Variants in LCOR observed in about 807,000 individuals in gnomAD.
The protein encoded by LCOR is ligand-dependent corepressor.
Under a neutral mutation model 64.4 loss-of-function variants are expected in LCOR, and 14 were observed. That is an observed-to-expected ratio of 0.22 (90% CI 0.14 to 0.34). The LOEUF (loss-of-function observed/expected upper bound fraction) is 0.34, where lower values mean the gene tolerates loss of function less well. LCOR is among the 10% of genes least tolerant of loss of function. The pLI is 1.00. For synonymous variants in LCOR, 643 were observed against 642.5 expected, an observed-to-expected ratio of 1.00 and a Z score of -0.01; for missense variants, 1,686 against 1,765.3, an observed-to-expected ratio of 0.96 and a Z score of 0.80.
At chr10:96,947,113 G>A (rs1405042607) in intron 5 of LCOR, among the ~76,000 whole-genome samples, 1 of 152,014 alleles carries the variant, frequency 6.6e-6, no homozygotes, top group African/African-American at 2.4e-5. Flanking sequence ...TGGATAAAAT[G>A]TTAATTAAAA....
intron 4 of LCOR, among the ~76,000 whole-genome samples, chr10:96,942,263 A>C (rs1370967051): frequency 6.6e-6 from 1 of 151,786 alleles, no homozygotes; most frequent in African/African-American, 2.4e-5. Flanking sequence ...AACACAGCAA[A>C]ACCCCGTCTC....
intron 7 of LCOR, among the ~76,000 whole-genome samples, chr10:96,974,531 T>C (rs1445956707): frequency 2.0e-5 from 3 of 152,246 alleles, no homozygotes; most frequent in African/African-American, 4.8e-5. Flanking sequence ...GGACATCGTA[T>C]GATACAGACT....
chr10:96,900,302 A>C (rs1846611399), intron 2 of LCOR, among the ~76,000 whole-genome samples: 1 of 152,092 alleles, frequency 6.6e-6, no homozygotes, highest in African/African-American at 2.4e-5. Flanking sequence ...TTACCTCTTA[A>C]TATACAATAA....
At chr10:96,961,481 A>G (rs1185670509) in intron 7 of LCOR, 1 of 152,128 alleles carries the variant, frequency 6.6e-6, no homozygotes, top group Non-Finnish European at 1.5e-5. Flanking sequence ...ACATACCAAA[A>G]AAATCTAAAG....
intron 2 of LCOR, among the ~76,000 whole-genome samples, chr10:96,872,941 A>G (rs1846096928): frequency 6.8e-6 from 1 of 147,612 alleles, no homozygotes; most frequent in South Asian, 2.1e-4. Context: ...AAAACCAAAT[A>G]CTGTAGTATT....
intron 7 of LCOR, among the ~76,000 whole-genome samples, chr10:96,973,648 A>C (rs1457657283): frequency 6.6e-6 from 1 of 152,218 alleles, no homozygotes; most frequent in Non-Finnish European, 1.5e-5. Context: ...GTCAAGCCAT[A>C]GTAATTTACA....
chr10:96,972,980 G>A (rs1325471796), intron 7 of LCOR, among the ~76,000 whole-genome samples: 1 of 152,160 alleles, frequency 6.6e-6, no homozygotes, highest in Admixed American at 6.5e-5. Context: ...TGGTGTCACT[G>A]AGGCTGGGAC....
At chr10:96,917,241 T>C (rs1413982722) in intron 4 of LCOR, among the ~76,000 whole-genome samples, 1 of 152,180 alleles carries the variant, frequency 6.6e-6, no homozygotes, top group East Asian at 1.9e-4. Flanking sequence ...GACTAATCAT[T>C]TGGCAGGTTT....
chr10:96,845,657 C>T (rs1341530386), intron 2 of LCOR, among the ~76,000 whole-genome samples: 15 of 150,424 alleles, frequency 1.0e-4, no homozygotes, highest in African/African-American at 2.7e-4. Context: ...TTAGTAGAGA[C>T]GGGGTGTCAC....
intron 4 of LCOR, 106 bp downstream of exon 4, chr10:96,907,853 A>G (rs1042300862): frequency 5.4e-5 from 13 of 239,364 alleles, no homozygotes; most frequent in Non-Finnish European, 6.8e-5. Flanking sequence ...AAAGGAAGGT[A>G]TGGTTTCATA....
At chr10:96,977,339 A>C (rs190360143) in intron 7 of LCOR, among the ~76,000 whole-genome samples, 150 of 152,338 alleles carry the variant, frequency 9.8e-4, no homozygotes, top group Non-Finnish European at 1.8e-3. Context: ...AAGAAGATTT[A>C]ATACAATACA....
At chr10:96,919,338 C>T (rs1847008894) in intron 4 of LCOR, among the ~76,000 whole-genome samples, 1 of 145,344 alleles carries the variant, frequency 6.9e-6, no homozygotes, top group Non-Finnish European at 1.5e-5. Context: ...TCTTTCCTTT[C>T]TTATGAACTG....
At chr10:96,940,829 G>A (rs1163239871) in intron 4 of LCOR, among the ~76,000 whole-genome samples, 1 of 149,730 alleles carries the variant, frequency 6.7e-6, no homozygotes, top group Non-Finnish European at 1.5e-5. Context: ...TGAGCCGCTA[G>A]GCACACCTCC....
At chr10:96,937,727 G>A (rs1191560700) in intron 4 of LCOR, among the ~76,000 whole-genome samples, 2 of 152,140 alleles carry the variant, frequency 1.3e-5, no homozygotes, top group Non-Finnish European at 2.9e-5. Flanking sequence ...AAGTATAGGA[G>A]AAGAGAGAAG....
chr10:96,967,328 A>G (rs1337845377), intron 7 of LCOR, among the ~76,000 whole-genome samples: 3 of 152,042 alleles, frequency 2.0e-5, no homozygotes, highest in Non-Finnish European at 4.4e-5. Flanking sequence ...TTGGGGTTTC[A>G]CCATGGTTGG....
At chr10:96,969,244 G>A (rs566948738) in intron 7 of LCOR, among the ~76,000 whole-genome samples, 110 of 152,158 alleles carry the variant, frequency 7.2e-4, no homozygotes, top group Non-Finnish European at 1.4e-3. Context: ...GAGTGAGGTC[G>A]TTGTGTTCAT....
chr10:96,838,402 G>A (rs1845483053), intron 2 of LCOR, among the ~76,000 whole-genome samples: 1 of 152,078 alleles, frequency 6.6e-6, no homozygotes, highest in African/African-American at 2.4e-5. Flanking sequence ...GATTACAGGT[G>A]TGCGCCACCA....
chr10:96,921,588 A>G (rs1342353009), intron 4 of LCOR, among the ~76,000 whole-genome samples: 1 of 152,192 alleles, frequency 6.6e-6, no homozygotes, highest in Non-Finnish European at 1.5e-5. Context: ...CAGCCATAAG[A>G]GTAGCTGGGA....
chr10:96,979,379 C>G (rs1164226165), intron 7 of LCOR, among the ~76,000 whole-genome samples: 3 of 152,164 alleles, frequency 2.0e-5, no homozygotes, highest in Admixed American at 2.0e-4. Flanking sequence ...CAGTACAACC[C>G]AGACATCCAG....
Sources: allele counts gnomAD v4.1 joint callset (sites outside exome capture counted in the v4.1 genomes callset), GRCh38; gene constraint gnomAD v4.1.1; transcripts MANE v1.5; gene names NCBI Gene and HGNC (gene_info 2026-07-23, HGNC 2026-07-21).